SNX24: variants seen among roughly 807,000 people sequenced by gnomAD.
SNX24 encodes the protein sorting nexin 24.
In SNX24, 22 loss-of-function variants were observed where a neutral mutation model predicts 28.7. The observed-to-expected ratio is 0.77, with a 90% CI of 0.55 to 1.10. The LOEUF (loss-of-function observed/expected upper bound fraction) is 1.10. Ranked by LOEUF, SNX24 falls within the 50% of genes least tolerant of loss-of-function variation. The pLI, the probability that SNX24 is intolerant of heterozygous loss-of-function variation, is 0.00. For missense variants in SNX24, 221 were observed against 201.1 expected, an observed-to-expected ratio of 1.10 and a Z score of -0.60; for synonymous variants, 69 against 71.5, an observed-to-expected ratio of 0.96 and a Z score of 0.18.
chr5:122,862,876 C>T (rs1478317833), intron 1 of SNX24, among the ~76,000 whole-genome samples: 1 of 151,940 alleles, frequency 6.6e-6, no homozygotes, highest in Non-Finnish European at 1.5e-5. Context: ...AAACAACCTT[C>T]CCACTTTTTA....
chr5:122,853,949 A>G (rs1400239812), intron 1 of SNX24, among the ~76,000 whole-genome samples: 4 of 152,210 alleles, frequency 2.6e-5, no homozygotes, highest in Admixed American at 1.3e-4. Flanking sequence ...AGAATTCTTA[A>G]AAAACTAATT....
chr5:122,894,725 A>T (rs1757126789), intron 1 of SNX24, among the ~76,000 whole-genome samples: 1 of 152,202 alleles, frequency 6.6e-6, no homozygotes, highest in Non-Finnish European at 1.5e-5. Context: ...CTGGTAAGGG[A>T]TGGTTTTAGA....
At chr5:122,891,186 G>A in intron 1 of SNX24, 7 of 1,348,454 alleles carry the variant, frequency 5.2e-6, no homozygotes, top group Non-Finnish European at 6.7e-6. Flanking sequence ...TTTTTCCTAA[G>A]TAGTTTATTT....
chr5:122,847,502 C>CTTTT (rs1183386656), intron 1 of SNX24, among the ~76,000 whole-genome samples: 1 of 130,796 alleles, frequency 7.6e-6, no homozygotes, highest in Admixed American at 8.1e-5. Flanking sequence ...CTCTCTCTCT[C>CTTTT]TTTTTTTTTT....
chr5:122,866,515 C>T (rs939410972), intron 1 of SNX24, among the ~76,000 whole-genome samples: 2 of 152,192 alleles, frequency 1.3e-5, no homozygotes, highest in East Asian at 1.9e-4. Context: ...GCACCTCCGC[C>T]GGTTGTGTTT....
intron 1 of SNX24, among the ~76,000 whole-genome samples, chr5:122,913,585 T>C (rs1326049230): frequency 7.6e-5 from 11 of 144,230 alleles, no homozygotes; most frequent in East Asian, 2.1e-4. Flanking sequence ...ACTTCTCAGA[T>C]GGGGCGGCTG....
intron 3 of SNX24, among the ~76,000 whole-genome samples, chr5:122,954,347 G>T (rs948617652): frequency 1.3e-5 from 2 of 151,948 alleles, no homozygotes; most frequent in African/African-American, 4.8e-5. Flanking sequence ...TAAATGTCTT[G>T]TATTTTAACT....
downstream of SNX24, among the ~76,000 whole-genome samples, chr5:123,010,850 T>C (rs1762560700): frequency 7.1e-6 from 1 of 140,958 alleles, no homozygotes; most frequent in African/African-American, 2.4e-5. Context: ...CATTGCTTTC[T>C]ATTTTTTTTT....
At chr5:122,934,391 G>T (rs906160238) in intron 1 of SNX24, among the ~76,000 whole-genome samples, 1 of 151,992 alleles carries the variant, frequency 6.6e-6, no homozygotes, top group Non-Finnish European at 1.5e-5. Flanking sequence ...ACAGAGTCTC[G>T]CTCGGTTGCC....
At chr5:122,893,327 G>A (rs1042045728) in intron 1 of SNX24, among the ~76,000 whole-genome samples, 2 of 151,218 alleles carry the variant, frequency 1.3e-5, no homozygotes. Context: ...TGTCCAATAA[G>A]ATATGCAGGT....
chr5:123,023,895 C>A (rs577317467), intron 5 of SNX24: 2 of 1,613,236 alleles, frequency 1.2e-6, no homozygotes, highest in East Asian at 2.2e-5. Flanking sequence ...GCGATCTCAA[C>A]CACAAAAGGC....
chr5:122,925,347 C>A (rs1758649082), intron 1 of SNX24, among the ~76,000 whole-genome samples: 1 of 149,752 alleles, frequency 6.7e-6, no homozygotes, highest in African/African-American at 2.5e-5. Flanking sequence ...AAGTGATGAA[C>A]CCCCTGGGCT....
chr5:122,898,619 A>G (rs915824498), intron 1 of SNX24, among the ~76,000 whole-genome samples: 2 of 152,214 alleles, frequency 1.3e-5, no homozygotes, highest in African/African-American at 4.8e-5. Context: ...GGTTAAGTGT[A>G]GGGCTTTAGC....
Position 122,889,789 on chromosome 5 carries a change from C to T in SNX24, c.60+44096C>T, listed in dbSNP as rs190635601. Among the ~76,000 whole-genome samples, 43 of 147,948 alleles carry T rather than the reference C, an allele frequency of 2.9e-4. 1 individual carries two copies. The East Asian group carries it at 6.7e-3, about 23-fold the overall frequency. On this transcript the variant is annotated intron_variant, in intron 1 of 6. Coordinates refer to ENST00000261369, the MANE Select transcript of SNX24 (RefSeq NM_014035.4). ...CTTCTCCCTTCATTTTTTCATTATT[C>T]CTAAGGACAAAAAATCTCTTAACAT...
At chr5:122,942,410 C>T (rs142852490) in intron 2 of SNX24, among the ~76,000 whole-genome samples, 19 of 152,320 alleles carry the variant, frequency 1.2e-4, no homozygotes, top group Admixed American at 7.8e-4. Flanking sequence ...GAGGAAGTAG[C>T]GGTGGCAATA....
At chr5:123,021,309 A>G (rs915748839) in intron 5 of SNX24, among the ~76,000 whole-genome samples, 3 of 152,164 alleles carry the variant, frequency 2.0e-5, no homozygotes, top group Non-Finnish European at 4.4e-5. Flanking sequence ...ACCCTACAAT[A>G]TTGATAATAT....
chr5:122,980,038 C>A (rs1761329375), intron 3 of SNX24, among the ~76,000 whole-genome samples: 1 of 152,116 alleles, frequency 6.6e-6, no homozygotes, highest in Admixed American at 6.5e-5. Flanking sequence ...TGGGTTTTTT[C>A]CTTCCTTTTC....
downstream of SNX24, among the ~76,000 whole-genome samples, chr5:123,013,143 A>G (rs568837944): frequency 6.6e-6 from 1 of 152,240 alleles, no homozygotes; most frequent in Non-Finnish European, 1.5e-5. Flanking sequence ...AGTGGTCTCA[A>G]TAGATGCACT....
intron 1 of SNX24, among the ~76,000 whole-genome samples, chr5:122,862,873 C>T (rs1170388282): frequency 6.6e-6 from 1 of 151,990 alleles, no homozygotes; most frequent in African/African-American, 2.4e-5. Context: ...TTGAAACAAC[C>T]TTCCCACTTT....
Sources: allele counts gnomAD v4.1 joint callset (sites outside exome capture counted in the v4.1 genomes callset), GRCh38; gene constraint gnomAD v4.1.1; transcripts MANE v1.5; gene names NCBI Gene and HGNC (gene_info 2026-07-23, HGNC 2026-07-21).